The following ITGA2 variants were observed in gnomAD, a reference collection of about 807,000 sequenced individuals.
ITGA2 encodes integrin alpha-2.
Under a neutral mutation model 146.3 loss-of-function variants are expected in ITGA2, and 101 were observed. The observed-to-expected ratio is 0.69, with a 90% CI of 0.59 to 0.81. The LOEUF is 0.81. ITGA2 is among the 40% of genes least tolerant of loss of function. The probability of loss-of-function intolerance (pLI) is 0.00; values close to 1 mark genes in which losing one functional copy is unlikely to be tolerated. For synonymous variants in ITGA2, 477 were observed against 487.1 expected (o/e 0.98, Z 0.27); for missense variants, 1,281 against 1,402.7 (o/e 0.91, Z 1.39).
intron 21 of ITGA2, 41 bp downstream of exon 21, chr5:53,074,518 C>A: frequency 7.0e-7 from 1 of 1,435,588 alleles, no homozygotes; most frequent in Non-Finnish European, 9.8e-7. Flanking sequence ...ACAAGCCCTC[C>A]TTAGCACATA....
In ITGA2 at chr5:53,020,848, A is replaced by ATTTT. The variant is rs532121575; in HGVS notation, c.65-5885_65-5882dup. On this transcript the variant is annotated intron_variant, in intron 1 of 29. Transcript: ENST00000296585. The stretch of plus-strand genomic sequence containing the variant: ...AGGTATGTGCCACCATGTCCGGCTA[A>ATTTT]TTTTTTTTTTTTTTTTTTGTATTTT... Among the ~76,000 whole-genome samples the ATTTT allele has an allele frequency of 1.1e-3, 148 of 133,392 alleles. 1 individual carries two copies. The South Asian group carries it at 0.024, about 22-fold the overall frequency. 87.5% of individuals were successfully genotyped at this position (133,392 alleles called of 152,430 possible).
chr5:53,002,171 T>C (rs1019785933), intron 1 of ITGA2, among the ~76,000 whole-genome samples: 12 of 152,150 alleles, frequency 7.9e-5, no homozygotes, highest in African/African-American at 2.9e-4. Context: ...TGGTTAGTAT[T>C]CTAAAATTTT....
chr5:53,090,511 C>T lies in ITGA2; in HGVS notation c.3466-8C>T, dbSNP rs368880014. 5.0e-6 allele frequency: 8 copies of T among 1,613,376 alleles called. No individual in the cohort carries two copies. The highest frequency in any genetic ancestry group is 6.8e-6 in the Non-Finnish European group (8 of 1,179,538). ...GGTGGTAACATTCTTATATCATCAC[C>T]TTTACAGCTCGGCTTCTTCAAAAGA... On this transcript the variant is annotated splice_region_variant and splice_polypyrimidine_tract_variant and intron_variant, in intron 29 of 29. Coordinates refer to ENST00000296585, the MANE Select transcript of ITGA2 (RefSeq NM_002203.4).
At chr5:53,011,223 C>A (rs1238125568) in intron 1 of ITGA2, among the ~76,000 whole-genome samples, 1 of 152,126 alleles carries the variant, frequency 6.6e-6, no homozygotes. Context: ...GGGCCAGAGA[C>A]CCATAGAGGA....
intron 1 of ITGA2, among the ~76,000 whole-genome samples, chr5:53,008,720 C>A (rs1482599175): frequency 6.6e-6 from 1 of 152,058 alleles, no homozygotes; most frequent in African/African-American, 2.4e-5. Flanking sequence ...AAATGCAGTG[C>A]CCTCTCAAGA....
rs539450252 is a variant in ITGA2 at position 53,016,767 on chromosome 5, G to A, written c.65-9981G>A. 2.6e-5 allele frequency among the ~76,000 whole-genome samples: 4 copies of A among 152,090 alleles called. No individual in the cohort carries two copies. The South Asian group carries it at 8.3e-4, about 32-fold the overall frequency. ...CTCTTTACATAATCCCATATTTCTTGGAGGTTTTGTTCATTCTTTTTTATT... is the reference window on the plus strand; with the variant it reads ...CTCTTTACATAATCCCATATTTCTTAGAGGTTTTGTTCATTCTTTTTTATT... On this transcript the variant is annotated intron_variant, in intron 1 of 29. Coordinates refer to ENST00000296585, the MANE Select transcript of ITGA2 (RefSeq NM_002203.4).
chr5:53,040,118 G>C (rs904748667), intron 2 of ITGA2, among the ~76,000 whole-genome samples: 1 of 152,082 alleles, frequency 6.6e-6, no homozygotes, highest in African/African-American at 2.4e-5. Context: ...AGTAGACATT[G>C]CCAGGCAAGA....
intron 1 of ITGA2, among the ~76,000 whole-genome samples, chr5:53,012,484 C>CCATT (rs1742182712): frequency 6.6e-6 from 1 of 152,028 alleles, no homozygotes; most frequent in Admixed American, 6.6e-5. Context: ...TTAAACAATA[C>CCATT]CATTGTTGGG....
intron 23 of ITGA2, 91 bp from the exon 24 acceptor site, chr5:53,078,681 C>T: frequency 1.3e-6 from 1 of 765,258 alleles, no homozygotes; most frequent in Non-Finnish European, 2.3e-6. Flanking sequence ...TTACTTTAAC[C>T]TAAGCTATAA....
chr5:53,060,983 A>G lies in ITGA2; in HGVS notation c.1395A>G (p.Ile465Met). ...CTCGGGCAAATTATACCGGCCAGAT[A>G]GTGCTATATAGTGTGAATGAGAATG... is the stretch of plus-strand genomic sequence containing the variant. ...GAPRANYTGQ[I>M]VLYSVNENGN... The change falls in exon 12 of 30, where the codon ATA becomes ATG. Residue 465 changes from isoleucine (I) to methionine (M), a missense_variant. By Grantham distance (10) the Ile-to-Met change is conservative (BLOSUM62 1). Around this residue, in one of 3 missense-constraint regions of ITGA2, gnomAD observed 795 missense variants for 841.7 expected, o/e 0.94. Transcript: ENST00000296585. The G allele has an allele frequency of 1.9e-6, 3 of 1,612,442 alleles. No homozygotes were observed. Among genetic ancestry groups the G allele is most frequent in the Non-Finnish European group, 2.5e-6 (3 of 1,178,912 alleles).
At chr5:53,015,146 T>C (rs11948978) in intron 1 of ITGA2, among the ~76,000 whole-genome samples, 26,873 of 152,058 alleles carry the variant, frequency 0.18, 2,439 homozygotes, top group African/African-American at 0.2. Flanking sequence ...AGCTTTGGAG[T>C]TGGTTTGTTC....
chr5:53,073,944 T>TA (rs376587596), intron 20 of ITGA2, among the ~76,000 whole-genome samples: 1,534 of 67,704 alleles, frequency 0.023, 9 homozygotes, highest in East Asian at 0.037. Flanking sequence ...TGAAGAAAAC[T>TA]AAAAAAAAAA....
In ITGA2 at chr5:53,044,918, A is replaced by G. The variant is rs1336793949; in HGVS notation, c.296-83A>G. On this transcript the variant is annotated intron_variant, in intron 3 of 29. Transcript: ENST00000296585. ...ACTAAATTCAATGCTACATGCAAAC[A>G]TGGGTGTGCCTGTTTTCTTTTAATA... 3.2e-6 allele frequency: 3 copies of G among 928,402 alleles called. No homozygotes were observed. The Admixed American group carries it at 5.5e-5, about 17-fold the overall frequency. The allele number at this position is 928,402 out of a possible 1,614,324, so 57.5% of individuals were successfully genotyped here.
intron 24 of ITGA2, among the ~76,000 whole-genome samples, chr5:53,079,450 C>T (rs564263103): frequency 4.6e-5 from 7 of 151,892 alleles, no homozygotes; most frequent in South Asian, 2.1e-4. Flanking sequence ...TATTAGTAAG[C>T]GATTATTAAT....
At chr5:53,070,828 G>T (rs1745358481) in intron 17 of ITGA2, among the ~76,000 whole-genome samples, 1 of 151,848 alleles carries the variant, frequency 6.6e-6, no homozygotes, top group Non-Finnish European at 1.5e-5. Flanking sequence ...TAAATGATGT[G>T]AATATTTCCA....
chr5:53,000,374 C>G (rs956969885), intron 1 of ITGA2, among the ~76,000 whole-genome samples: 6 of 151,980 alleles, frequency 3.9e-5, no homozygotes, highest in Middle Eastern at 3.4e-3. Flanking sequence ...ATGATGAAAA[C>G]CTGGTATTTG....
chr5:53,033,125 A>T (rs1302842815), intron 2 of ITGA2, among the ~76,000 whole-genome samples: 1 of 152,050 alleles, frequency 6.6e-6, no homozygotes. Context: ...AAAAATTAGC[A>T]GGGCGTGGTG....
chr5:53,033,764 ATT>A (rs138567152), intron 2 of ITGA2, among the ~76,000 whole-genome samples: 37,879 of 135,770 alleles, frequency 0.28, 4,862 homozygotes, highest in Admixed American at 0.33. Flanking sequence ...TACTAGGCTA[ATT>A]TTTTTTTTTT....
At chr5:53,015,621 T>C (rs1260285284) in intron 1 of ITGA2, among the ~76,000 whole-genome samples, 1 of 152,054 alleles carries the variant, frequency 6.6e-6, no homozygotes, top group Non-Finnish European at 1.5e-5. Flanking sequence ...TGATCAAGTG[T>C]CAATCAGGTC....
Sources: gnomAD v4.1 joint callset for allele counts (sites outside exome capture counted in the v4.1 genomes callset) on GRCh38, gnomAD v4.1.1 for gene constraint, gnomAD v4.1.1 regional missense constraint, MANE v1.5 for transcripts, NCBI Gene and HGNC (gene_info 2026-07-23, HGNC 2026-07-21) for gene names.